The following B2M variants were observed in gnomAD, a reference collection of about 807,000 sequenced individuals.
B2M encodes beta-2-microglobulin.
B2M carries 3 observed loss-of-function variants against 14.5 expected under a neutral mutation model. The observed-to-expected ratio is 0.21, with a 90% CI of 0.09 to 0.53. B2M has a LOEUF of 0.53. Ranked by LOEUF, B2M falls within the 20% of genes least tolerant of loss-of-function variation. The pLI is 0.95. For synonymous variants in B2M, 45 were observed against 52.7 expected, an observed-to-expected ratio of 0.85 and a Z score of 0.64; for missense variants, 107 against 140.8, an observed-to-expected ratio of 0.76 and a Z score of 1.21.
intron 1 of B2M, chr15:44,713,154 A>C (rs1390468453): frequency 3.3e-5 from 5 of 152,230 alleles, no homozygotes; most frequent in Non-Finnish European, 7.3e-5. Context: ...AGTACCTGGC[A>C]ATACACTAAG....
At position 44,715,498 on chromosome 15, in the gene B2M, C is replaced by T. The variant is rs1452500473; in HGVS notation, c.143C>T (p.Ser48Phe). Residue 48 changes from serine (S) to phenylalanine (F), a missense_variant, in exon 2 of 4, where the codon TCT (serine) becomes TTT (phenylalanine). Physicochemically the swap from Ser to Phe is radical, Grantham distance 155. Coordinates refer to ENST00000648006, the MANE Select transcript of B2M (RefSeq NM_004048.4). ...GKSNFLNCYVSGFHPSDIEVD... is the reference protein window; with the variant it reads ...GKSNFLNCYVFGFHPSDIEVD... The stretch of plus-strand genomic sequence containing the variant: ...TCAAATTTCCTGAATTGCTATGTGT[C>T]TGGGTTTCATCCATCCGACATTGAA... 6.2e-7 allele frequency: 1 copy of T among 1,614,112 alleles called. No homozygotes were observed. The highest frequency in any genetic ancestry group is 1.7e-5 in the Admixed American group (1 of 60,022).
chr15:44,715,317 C>CGATGA, intron 1 of B2M, 106 bp from the exon 2 acceptor site: 12 of 1,344,854 alleles, frequency 8.9e-6, no homozygotes, highest in Non-Finnish European at 1.2e-5. Flanking sequence ...TGGGAGAAAT[C>CGATGA]GATGACCAAA....
rs369474839 is a variant in B2M at position 44,711,568 on chromosome 15, G to A, written c.22G>A (p.Ala8Thr). The A allele has an allele frequency of 1.2e-6, 2 of 1,613,916 alleles. No individual in the cohort carries two copies. The highest frequency in any genetic ancestry group is 1.7e-5 in the Admixed American group (1 of 60,030). The change falls in exon 1 of 4, where the codon GCT becomes ACT. Residue 8 changes from alanine (A) to threonine (T), a missense_variant. By Grantham distance (58) the Ala-to-Thr change is moderately conservative. Coordinates refer to ENST00000648006, the MANE Select transcript of B2M (RefSeq NM_004048.4). MSRSVAL[A>T]VLALLSLSGL... ...CGAGATGTCTCGCTCCGTGGCCTTA[G>A]CTGTGCTCGCGCTACTCTCTCTTTC...
chr15:44,713,904 C>T (rs961559344), intron 1 of B2M: 1 of 152,154 alleles, frequency 6.6e-6, no homozygotes, highest in African/African-American at 2.4e-5. Flanking sequence ...TCCTCCTTCT[C>T]CCCACAGCCT....
chr15:44,715,085 G>A, intron 1 of B2M: 2 of 414,266 alleles, frequency 4.8e-6, no homozygotes, highest in South Asian at 2.2e-5. Context: ...TGAGTGCTGA[G>A]AGGGCATCAG....
intron 2 of B2M, 124 bp downstream of exon 2, chr15:44,715,825 A>G (rs946776713): frequency 2.5e-6 from 3 of 1,185,876 alleles, no homozygotes; most frequent in African/African-American, 3.0e-5. Context: ...CCCATCTGAT[A>G]TAAACAATCT....
chr15:44,717,465 C>T (rs945104531), intron 3 of B2M, 142 bp from the exon 4 acceptor site: 2 of 151,988 alleles, frequency 1.3e-5, no homozygotes, highest in African/African-American at 4.8e-5. Context: ...AGGATATACT[C>T]TTTATAATGG....
rs1435611656 is a variant in B2M at position 44,711,593 on chromosome 15, C to G, written c.47C>G (p.Ser16Cys). The G allele has an allele frequency of 3.7e-6, 6 of 1,613,800 alleles. No individual in the cohort carries two copies. In the African/African-American group the frequency reaches 8.0e-5, roughly 22 times the overall value. The change falls in exon 1 of 4, where the codon TCT becomes TGT. Residue 16 changes from serine to cysteine, a missense_variant. Coordinates refer to ENST00000648006, the MANE Select transcript of B2M (RefSeq NM_004048.4). ...ALAVLALLSL[S>C]GLEAIQRTPK... ...GCTGTGCTCGCGCTACTCTCTCTTT[C>G]TGGCCTGGAGGCTATCCAGCGTGAG...
At chr15:44,715,180 A>C in intron 1 of B2M, 1 of 576,032 alleles carries the variant, frequency 1.7e-6, no homozygotes, top group Non-Finnish European at 3.1e-6. Context: ...AATCTGCTAG[A>C]AAAAAAACAA....
Position 44,711,541 on chromosome 15 carries a change from G to A in B2M, c.-6G>A, listed in dbSNP as rs1275217239. Reference sequence around the variant, plus strand: ...CATTCCTGAAGCTGACAGCATTCGGGCCGAGATGTCTCGCTCCGTGGCCTT... The same window carrying A: ...CATTCCTGAAGCTGACAGCATTCGGACCGAGATGTCTCGCTCCGTGGCCTT... On this transcript the variant is annotated 5_prime_UTR_variant, in exon 1 of 4. Coordinates refer to ENST00000648006, the MANE Select transcript of B2M (RefSeq NM_004048.4). 6.2e-7 allele frequency: 1 copy of A among 1,613,558 alleles called. No homozygotes were observed. The highest frequency in any genetic ancestry group is 1.7e-5 in the Admixed American group (1 of 60,018).
rs1416085751 is a variant in B2M at position 44,711,631 on chromosome 15, T to G, written c.67+18T>G. ...TATCCAGCGTGAGTCTCTCCTACCC[T>G]CCCGCTCTGGTCCTTCCTCTCCCGC... is the stretch of plus-strand genomic sequence containing the variant. On this transcript the variant is annotated intron_variant, in intron 1 of 3. Coordinates refer to ENST00000648006, the MANE Select transcript of B2M (RefSeq NM_004048.4). 6.2e-7 allele frequency: 1 copy of G among 1,609,672 alleles called. No individual in the cohort carries two copies. Among genetic ancestry groups the G allele is most frequent in the East Asian group, 2.2e-5 (1 of 44,868 alleles).
chr15:44,716,569 C>G, intron 3 of B2M: 1 of 601,522 alleles, frequency 1.7e-6, no homozygotes, highest in Non-Finnish European at 2.9e-6. Flanking sequence ...TACTGACCCT[C>G]TACAGAGAGG....
At chr15:44,715,918 A>G (rs2086936248) in intron 2 of B2M, 1 of 672,668 alleles carries the variant, frequency 1.5e-6, no homozygotes, top group South Asian at 1.7e-5. Flanking sequence ...ATGGTTTCTG[A>G]ACCAGTAGTT....
intron 1 of B2M, chr15:44,713,167 C>T (rs1008812222): frequency 1.3e-5 from 2 of 152,052 alleles, no homozygotes; most frequent in Non-Finnish European, 2.9e-5. Context: ...ACACTAAGCG[C>T]GCTCACCTTT....
In B2M at chr15:44,715,511, A is replaced by C; in HGVS notation, c.156A>C (p.Pro52=). The C allele has an allele frequency of 6.2e-7, 1 of 1,614,214 alleles. No individual in the cohort carries two copies. The highest frequency in any genetic ancestry group is 8.5e-7 in the Non-Finnish European group (1 of 1,180,038). The part of the protein sequence containing the change: ...FLNCYVSGFH[P]SDIEVDLLKN... ...ATTGCTATGTGTCTGGGTTTCATCC[A>C]TCCGACATTGAAGTTGACTTACTGA... Residue 52 remains proline, a synonymous_variant, in exon 2 of 4, where the codon CCA becomes CCC. Transcript: ENST00000648006.
In B2M at chr15:44,711,542, C is replaced by A; in HGVS notation, c.-5C>A. 6.2e-7 allele frequency: 1 copy of A among 1,613,666 alleles called. No individual in the cohort carries two copies. Among genetic ancestry groups the A allele is most frequent in the Non-Finnish European group, 8.5e-7 (1 of 1,179,968 alleles). ...ATTCCTGAAGCTGACAGCATTCGGG[C>A]CGAGATGTCTCGCTCCGTGGCCTTA... On this transcript the variant is annotated 5_prime_UTR_variant, in exon 1 of 4. Coordinates refer to ENST00000648006, the MANE Select transcript of B2M (RefSeq NM_004048.4).
In B2M at chr15:44,716,107, A is replaced by G. The variant is rs369306109; in HGVS notation, c.347-222A>G. 1.1e-3 allele frequency: 690 copies of G among 622,526 alleles called. 2 individuals carry two copies. In the Middle Eastern group the frequency reaches 0.013, roughly 12 times the overall value. The allele number at this position is 622,526 out of a possible 1,614,324, so 38.6% of individuals were successfully genotyped here. ...GTAAGTCCTGCTGTCCTAGCATCCT[A>G]TAATCCTGGACTTCTCCAGTACTTT... On this transcript the variant is annotated intron_variant, in intron 2 of 3. Coordinates refer to ENST00000648006, the MANE Select transcript of B2M (RefSeq NM_004048.4).
chr15:44,711,925 G>A (rs2086875677), intron 1 of B2M: 2 of 540,004 alleles, frequency 3.7e-6, no homozygotes, highest in Admixed American at 3.1e-5. Context: ...GAGGTTGGGG[G>A]AGGGTTTCTC....
chr15:44,717,138 GTTAC>G (rs1287563831), intron 3 of B2M: 1 of 152,178 alleles, frequency 6.6e-6, no homozygotes, highest in Non-Finnish European at 1.5e-5. Context: ...ATAGTCATGT[GTTAC>G]TTAATGACGG....
Sources: allele counts gnomAD v4.1 joint callset, GRCh38; gene constraint gnomAD v4.1.1; transcripts MANE v1.5; gene names NCBI Gene and HGNC (gene_info 2026-07-23, HGNC 2026-07-21).